The following SPAG1 variants were observed in gnomAD, a reference collection of about 807,000 sequenced individuals.
SPAG1 encodes sperm associated antigen 1, also known as sperm-associated antigen 1.
SPAG1 carries 69 observed loss-of-function variants against 100.5 expected under a neutral mutation model. The ratio of observed to expected loss-of-function variants is 0.69; its 90% CI spans 0.57 to 0.84. The LOEUF is 0.84. Ranked by LOEUF, SPAG1 falls within the 40% of genes least tolerant of loss-of-function variation. The pLI is 0.00. For synonymous variants in SPAG1, 336 were observed against 411.6 expected (o/e 0.82, Z 2.22); for missense variants, 955 against 1,133.1 (o/e 0.84, Z 2.26).
chr8:100,238,849 G>C (rs1819125565), intron 16 of SPAG1, among the ~76,000 whole-genome samples: 1 of 152,202 alleles, frequency 6.6e-6, no homozygotes, highest in Non-Finnish European at 1.5e-5. Flanking sequence ...AAGATGAGAA[G>C]ACTGAAGCCC....
chr8:100,214,988 C>T (rs1817900686), intron 12 of SPAG1, among the ~76,000 whole-genome samples: 1 of 68,850 alleles, frequency 1.5e-5, no homozygotes, highest in South Asian at 4.5e-4. Context: ...AAACTTTACT[C>T]ATATATATAT....
At chr8:100,183,676 C>A (rs1021106624) in intron 5 of SPAG1, among the ~76,000 whole-genome samples, 2 of 151,852 alleles carry the variant, frequency 1.3e-5, no homozygotes, top group Non-Finnish European at 2.9e-5. Context: ...ATTTTTTATA[C>A]CCATCCAAAC....
At chr8:100,186,060 C>CTTTTTTTTTT (rs71274962) in intron 7 of SPAG1, among the ~76,000 whole-genome samples, 2 of 89,982 alleles carry the variant, frequency 2.2e-5, no homozygotes, top group Admixed American at 1.5e-4. Context: ...TGGGCAGATT[C>CTTTTTTTTTT]TTTTTTTTTT....
intron 4 of SPAG1, among the ~76,000 whole-genome samples, chr8:100,178,713 T>C (rs1816235779): frequency 6.6e-6 from 1 of 152,236 alleles, no homozygotes; most frequent in Admixed American, 6.5e-5. Context: ...TTCCTGGATC[T>C]TTTTACTCCT....
At chr8:100,226,050 G>A (rs1818498625) in intron 14 of SPAG1, among the ~76,000 whole-genome samples, 1 of 149,288 alleles carries the variant, frequency 6.7e-6, no homozygotes, top group Admixed American at 6.7e-5. Flanking sequence ...AGGCTAGAGT[G>A]CAGTGGTGTG....
Position 100,177,880 on chromosome 8 carries a change from C to T in SPAG1, c.365C>T (p.Pro122Leu). 1 of 1,601,272 alleles carries T rather than the reference C, an allele frequency of 6.2e-7. No homozygotes were observed. The highest frequency in any genetic ancestry group is 8.6e-7 in the Non-Finnish European group (1 of 1,168,790). ...CACTTTCATGAAACTGAGACATTTC[C>T]AGCAATGAAAGATAATTTGCCTCCA... ...KMHFHETETF[P>L]AMKDNLPPVR... is the part of the protein sequence containing the mutation. Residue 122 changes from proline (P) to leucine (L), a missense_variant, in exon 4 of 19, where the codon CCA (proline) becomes CTA (leucine). Transcript: ENST00000388798.
chr8:100,214,406 C>T (rs887017845), intron 12 of SPAG1, among the ~76,000 whole-genome samples: 2 of 152,186 alleles, frequency 1.3e-5, no homozygotes, highest in Non-Finnish European at 2.9e-5. Context: ...GCCCATGTTG[C>T]CCCTAATGGT....
At chr8:100,213,963 C>A in intron 12 of SPAG1, 45 bp downstream of exon 12, 1 of 1,129,246 alleles carries the variant, frequency 8.9e-7, no homozygotes. Context: ...GTTATAATTT[C>A]ATTATGGTGA....
chr8:100,168,685 A>ACCTTTTTTTTTTTTTTT (rs1815675141), intron 3 of SPAG1, among the ~76,000 whole-genome samples: 1 of 55,380 alleles, frequency 1.8e-5, no homozygotes, highest in African/African-American at 8.9e-5. Context: ...ATGCCCAGCC[A>ACCTTTTTTTTTTTTTTT]TCTTTTTTTT....
chr8:100,218,388 G>A (rs1169022392), intron 12 of SPAG1, among the ~76,000 whole-genome samples: 1 of 152,192 alleles, frequency 6.6e-6, no homozygotes, highest in African/African-American at 2.4e-5. Context: ...AGGCCATCTT[G>A]AATAGATAAA....
intron 16 of SPAG1, 130 bp downstream of exon 16, chr8:100,233,667 A>AC: frequency 1.1e-6 from 1 of 886,246 alleles, no homozygotes. Context: ...AACTGTACTA[A>AC]CCAGTTCTAA....
chr8:100,232,601 CCT>C (rs1420735625), intron 15 of SPAG1, among the ~76,000 whole-genome samples: 8 of 152,280 alleles, frequency 5.3e-5, no homozygotes, highest in East Asian at 3.9e-4. Flanking sequence ...CCACCATCCC[CCT>C]GTCATTCCCT....
chr8:100,172,672 G>T (rs898121235), intron 3 of SPAG1, among the ~76,000 whole-genome samples: 4 of 151,356 alleles, frequency 2.6e-5, no homozygotes, highest in African/African-American at 9.8e-5. Context: ...GTGTGTATGT[G>T]TGTGTGTATG....
chr8:100,195,111 G>A (rs1286958143), intron 10 of SPAG1, among the ~76,000 whole-genome samples: 2 of 149,790 alleles, frequency 1.3e-5, no homozygotes, highest in African/African-American at 4.9e-5. Flanking sequence ...GTTGTGGTGA[G>A]CCAAGATGGT....
chr8:100,215,619 G>A (rs1817947607), intron 12 of SPAG1, among the ~76,000 whole-genome samples: 1 of 152,160 alleles, frequency 6.6e-6, no homozygotes, highest in Non-Finnish European at 1.5e-5. Flanking sequence ...CCGCCTCCTG[G>A]GTTCACCCCA....
chr8:100,220,300 C>G lies in SPAG1; in HGVS notation c.1557C>G (p.Phe519Leu). Residue 519 changes from phenylalanine (F) to leucine (L), a missense_variant, in exon 13 of 19, where the codon TTC becomes TTG. By Grantham distance (22) the Phe-to-Leu change is conservative. Coordinates refer to ENST00000388798, the MANE Select transcript of SPAG1 (RefSeq NM_003114.5). ...TTAGGGCTCTGGAACTTCATCCATT[C>G]TCTATGAAACCTCTTCTGAGGCGGG... ...DCNRALELHP[F>L]SMKPLLRRAM... 6.2e-6 allele frequency: 10 copies of G among 1,610,178 alleles called. No individual in the cohort carries two copies. Among genetic ancestry groups the G allele is most frequent in the Non-Finnish European group, 7.6e-6 (9 of 1,179,074 alleles).
chr8:100,184,756 T>G, intron 7 of SPAG1, 23 bp downstream of exon 7: 1 of 1,367,430 alleles, frequency 7.3e-7, no homozygotes, highest in Non-Finnish European at 1.0e-6. Context: ...TTGTTGGGGT[T>G]TAAACTTGCC....
intron 14 of SPAG1, among the ~76,000 whole-genome samples, chr8:100,227,841 A>ATTTTTTTTTT (rs34049816): frequency 1.9e-5 from 2 of 103,796 alleles, no homozygotes; most frequent in African/African-American, 4.0e-5. Flanking sequence ...ATTGTGTCAG[A>ATTTTTTTTTT]TTTTTTTTTT....
chr8:100,199,503 T>A (rs1304753204), intron 10 of SPAG1, among the ~76,000 whole-genome samples: 1 of 152,192 alleles, frequency 6.6e-6, no homozygotes, highest in Non-Finnish European at 1.5e-5. Flanking sequence ...TGGAGTGCAA[T>A]GGCATGATCT....
Sources: allele counts gnomAD v4.1 joint callset (sites outside exome capture counted in the v4.1 genomes callset), GRCh38; gene constraint gnomAD v4.1.1; transcripts MANE v1.5; gene names NCBI Gene and HGNC (gene_info 2026-07-23, HGNC 2026-07-21).